MTF2: variants seen among roughly 807,000 people sequenced by gnomAD.
The protein encoded by MTF2 is metal response element binding transcription factor 2.
In MTF2, 11 loss-of-function variants were observed where a neutral mutation model predicts 79.5. That is an observed-to-expected ratio of 0.14 (90% confidence interval 0.09 to 0.23). MTF2 has a LOEUF of 0.23. Ranked by LOEUF, MTF2 falls within the 10% of genes least tolerant of loss-of-function variation. The pLI, the probability that MTF2 is intolerant of heterozygous loss-of-function variation, is 1.00. For missense variants in MTF2, 486 were observed against 711.2 expected, an observed-to-expected ratio of 0.68 and a Z score of 3.60; for synonymous variants, 208 against 232.8, an observed-to-expected ratio of 0.89 and a Z score of 0.97.
intron 1 of MTF2, among the ~76,000 whole-genome samples, chr1:93,087,991 TATC>T (rs2101020370): frequency 6.6e-6 from 1 of 152,340 alleles, no homozygotes; most frequent in South Asian, 2.1e-4. Flanking sequence ...TTCAAGCCCT[TATC>T]ATCCATATGC....
At position 93,138,256 on chromosome 1, in the gene MTF2, T is replaced by TC. The variant is rs1322726757; in HGVS notation, c.*1230dup. On this transcript the variant is annotated 3_prime_UTR_variant, in exon 15 of 15. Coordinates refer to ENST00000370298, the MANE Select transcript of MTF2 (RefSeq NM_007358.4). ...TCTTTTATCACCAGTGTTACAGTTGTCTTCTGTTTCTTTTTGTTTTGTTTT... is the reference window on the plus strand; with the variant it reads ...TCTTTTATCACCAGTGTTACAGTTGTCCTTCTGTTTCTTTTTGTTTTGTTTT... The TC allele has an allele frequency of 2.0e-5, 3 of 152,236 alleles. No individual in the cohort carries two copies. The highest frequency in any genetic ancestry group is 4.4e-5 in the Non-Finnish European group (3 of 68,026). The allele number at this position is 152,236 out of a possible 1,614,324, so 9.4% of individuals were successfully genotyped here. A position where few individuals can be genotyped will look rare whatever the true frequency, so the allele number is the denominator to read the frequency against.
chr1:93,115,174 T>A, intron 5 of MTF2, 86 bp downstream of exon 5: 1 of 1,018,264 alleles, frequency 9.8e-7, no homozygotes, highest in Non-Finnish European at 1.5e-6. Context: ...GAAAGTTTGT[T>A]GGAATGAAAT....
At chr1:93,098,001 C>T (rs1571223447) in intron 1 of MTF2, among the ~76,000 whole-genome samples, 1 of 152,028 alleles carries the variant, frequency 6.6e-6, no homozygotes. Context: ...TCGATGTGTG[C>T]CAGGTACAGG....
intron 3 of MTF2, 129 bp downstream of exon 3, chr1:93,110,755 T>A: frequency 1.4e-6 from 1 of 734,080 alleles, no homozygotes. Flanking sequence ...TAGGAGAGGT[T>A]AAAAAATCAG....
intron 1 of MTF2, among the ~76,000 whole-genome samples, chr1:93,085,632 G>A (rs541429334): frequency 2.0e-5 from 3 of 152,104 alleles, no homozygotes; most frequent in South Asian, 2.1e-4. Flanking sequence ...GACTACAAGT[G>A]CATGCCACCA....
At chr1:93,086,274 C>T (rs867205592) in intron 1 of MTF2, among the ~76,000 whole-genome samples, 12 of 151,998 alleles carry the variant, frequency 7.9e-5, no homozygotes, top group South Asian at 4.1e-4. Context: ...GAGGCTGAGG[C>T]GGGCGGATCG....
intron 6 of MTF2, 35 bp downstream of exon 6, chr1:93,115,653 A>T: frequency 4.1e-6 from 6 of 1,455,792 alleles, no homozygotes; most frequent in Non-Finnish European, 5.5e-6. Flanking sequence ...CCCTTTAAGT[A>T]ATTTTTATTT....
intron 4 of MTF2, 51 bp from the exon 5 acceptor site, chr1:93,114,937 T>G (rs1376893026): frequency 7.3e-7 from 1 of 1,375,432 alleles, no homozygotes; most frequent in Non-Finnish European, 1.0e-6. Flanking sequence ...TGAAATTGTG[T>G]TGAAAGTATT....
At chr1:93,079,943 G>A (rs935601093) in intron 1 of MTF2, among the ~76,000 whole-genome samples, 2 of 152,016 alleles carry the variant, frequency 1.3e-5, no homozygotes, top group African/African-American at 2.4e-5. Context: ...GGGGAGCAGA[G>A]TGGAGGGCTG....
In MTF2 at chr1:93,138,010, A is replaced by AGG; in HGVS notation, c.*983_*984insGG. The AGG allele has an allele frequency of 6.6e-6, 1 of 152,296 alleles. No individual in the cohort carries two copies. Among genetic ancestry groups the AGG allele is most frequent in the East Asian group, 1.9e-4 (1 of 5,192 alleles). 9.4% of individuals were successfully genotyped at this position (152,296 alleles called of 1,614,324 possible). ...GTAAATGTCTCTCATTTTTAACAGT[A>AGG]AGTCTATAGGAGTCCCGTGAAGATT... On this transcript the variant is annotated 3_prime_UTR_variant, in exon 15 of 15. Transcript: ENST00000370298.
At chr1:93,129,137 A>G in intron 10 of MTF2, 141 bp from the exon 11 acceptor site, 2 of 495,186 alleles carry the variant, frequency 4.0e-6, no homozygotes, top group Non-Finnish European at 3.4e-6. Context: ...ATAAAAATCA[A>G]GGAAAGCAAG....
chr1:93,112,402 T>G (rs543906035), intron 3 of MTF2, among the ~76,000 whole-genome samples: 230 of 152,308 alleles, frequency 1.5e-3, no homozygotes, highest in African/African-American at 5.2e-3. Context: ...AAGAAAAATA[T>G]TAGTAGTCAA....
chr1:93,104,396 G>A (rs1655672096), intron 1 of MTF2, among the ~76,000 whole-genome samples: 1 of 152,000 alleles, frequency 6.6e-6, no homozygotes, highest in South Asian at 2.1e-4. Flanking sequence ...GATTAAAAAT[G>A]TACCCCGGGC....
chr1:93,118,693 A>G (rs1197438101), intron 7 of MTF2, among the ~76,000 whole-genome samples: 1 of 152,170 alleles, frequency 6.6e-6, no homozygotes, highest in East Asian at 1.9e-4. Context: ...AAGTATTCTC[A>G]TTGGTACCTT....
intron 11 of MTF2, among the ~76,000 whole-genome samples, chr1:93,131,193 A>G (rs2101093551): frequency 6.6e-6 from 1 of 152,274 alleles, no homozygotes; most frequent in South Asian, 2.1e-4. Flanking sequence ...AAGCAAGGAG[A>G]CTAAAAAAGA....
intron 1 of MTF2, among the ~76,000 whole-genome samples, chr1:93,109,067 T>C (rs570492905): frequency 1.3e-5 from 2 of 152,346 alleles, no homozygotes; most frequent in South Asian, 2.1e-4. Context: ...CTTTTTTCTT[T>C]AATTTCCCTG....
intron 11 of MTF2, among the ~76,000 whole-genome samples, chr1:93,133,502 T>C (rs1647226744): frequency 6.6e-6 from 1 of 152,136 alleles, no homozygotes; most frequent in Non-Finnish European, 1.5e-5. Context: ...TAAATATCTT[T>C]AAAGTCAAGA....
chr1:93,102,402 C>T (rs1402519443), intron 1 of MTF2, among the ~76,000 whole-genome samples: 1 of 151,608 alleles, frequency 6.6e-6, no homozygotes, highest in Non-Finnish European at 1.5e-5. Context: ...AGTTTGAGAC[C>T]TGCTCCCATT....
chr1:93,085,577 C>T lies in MTF2; in HGVS notation c.5+6046C>T, dbSNP rs777809785. 3.2e-4 allele frequency among the ~76,000 whole-genome samples: 49 copies of T among 151,664 alleles called. 1 individual carries two copies. The highest frequency in any genetic ancestry group is 1.3e-4 in the Non-Finnish European group (9 of 67,960). On this transcript the variant is annotated intron_variant, in intron 1 of 14. Coordinates refer to ENST00000370298, the MANE Select transcript of MTF2 (RefSeq NM_007358.4). The stretch of plus-strand genomic sequence containing the variant: ...TCATAGCTCACTGTACCCTCAAACT[C>T]CCGGGCTCAAGTGATCCTTCCACCT...
Sources: allele counts gnomAD v4.1 joint callset (sites outside exome capture counted in the v4.1 genomes callset), GRCh38; gene constraint gnomAD v4.1.1; transcripts MANE v1.5; gene names NCBI Gene and HGNC (gene_info 2026-07-23, HGNC 2026-07-21).